The following STARD13 variants were observed in gnomAD, a reference collection of about 807,000 sequenced individuals.
The protein encoded by STARD13 is stAR-related lipid transfer protein 13.
In STARD13, 62 loss-of-function variants were observed where a neutral mutation model predicts 106.4. That is an observed-to-expected ratio of 0.58 (90% CI 0.48 to 0.72). The LOEUF is 0.72. Ranked by LOEUF, STARD13 falls within the 30% of genes least tolerant of loss-of-function variation. The probability of loss-of-function intolerance (pLI) is 0.00; values close to 1 mark genes in which losing one functional copy is unlikely to be tolerated. For missense variants in STARD13, 1,387 were observed against 1,424.0 expected, an observed-to-expected ratio of 0.97 and a Z score of 0.42; for synonymous variants, 565 against 553.0, an observed-to-expected ratio of 1.02 and a Z score of -0.31.
Position 33,129,528 on chromosome 13 carries a change from A to G in STARD13, c.1149T>C (p.Arg383=), listed in dbSNP as rs762684578. 1.9e-5 allele frequency: 30 copies of G among 1,614,030 alleles called. No individual in the cohort carries two copies. Among genetic ancestry groups the G allele is most frequent in the Non-Finnish European group, 2.5e-5 (30 of 1,180,030 alleles). Residue 383 remains arginine, a synonymous_variant, in exon 5 of 14, where the codon CGT becomes CGC. Transcript: ENST00000336934. The stretch of plus-strand genomic sequence containing the variant: ...TCTCTTGGGAGTGAAATTCATGCAT[A>G]CGGCTTTGGTCCCCTGCATCCGGCA... ...TALPDAGDQS[R]MHEFHSQENL...
chr13:33,167,763 C>T, intron 1 of STARD13, 141 bp from the exon 2 acceptor site: 3 of 764,966 alleles, frequency 3.9e-6, no homozygotes, highest in East Asian at 2.7e-5. Context: ...CATAAGTAGG[C>T]TTACCCGGGA....
At chr13:33,417,479 A>G in the STARD13 span, among the ~76,000 whole-genome samples, 1 of 152,244 alleles carries the variant, frequency 6.6e-6, no homozygotes, top group Admixed American at 6.5e-5. Context: ...GAATGTTCAT[A>G]GCGGCATTAT....
chr13:33,280,468 T>C (rs185945091), intron 1 of STARD13: 15 of 152,092 alleles, frequency 9.9e-5, no homozygotes, highest in African/African-American at 3.1e-4. Context: ...AAGAAAGAGG[T>C]TGTATTGTGA....
At chr13:33,464,771 C>T in the STARD13 span, among the ~76,000 whole-genome samples, 4 of 152,254 alleles carry the variant, frequency 2.6e-5, no homozygotes, top group African/African-American at 9.6e-5. Flanking sequence ...ATCACTTGAA[C>T]TCGGAAGGCG....
At chr13:33,429,523 CAAA>C in the STARD13 span, among the ~76,000 whole-genome samples, 1 of 99,086 alleles carries the variant, frequency 1.0e-5, no homozygotes, top group Non-Finnish European at 2.2e-5. Context: ...GACTCCGTCT[CAAA>C]AAAAAAAAAA....
At chr13:33,597,682 C>CT in the STARD13 span, among the ~76,000 whole-genome samples, 1 of 147,234 alleles carries the variant, frequency 6.8e-6, no homozygotes, top group Non-Finnish European at 1.5e-5. Context: ...CCCATCTCTA[C>CT]TAAAAAAAAA....
At chr13:33,490,897 G>T in the STARD13 span, among the ~76,000 whole-genome samples, 3 of 152,206 alleles carry the variant, frequency 2.0e-5, no homozygotes, top group Non-Finnish European at 4.4e-5. Context: ...ACATTACCAT[G>T]GGGCCAGAGC....
rs1324828334 is a variant in STARD13 at position 33,129,850 on chromosome 13, T to C, written c.827A>G (p.Lys276Arg). The C allele has an allele frequency of 5.0e-6, 8 of 1,612,914 alleles. No homozygotes were observed. Among genetic ancestry groups the C allele is most frequent in the Non-Finnish European group, 6.8e-6 (8 of 1,180,032 alleles). ...CAGGCCACCTGTCCGCCCAGACCCC[T>C]TATGCCTCCCGTGGGCTCCCTTCCC... ...LRGKGAHGRHKGSGRTGGLVI... is the reference protein window; with the variant it reads ...LRGKGAHGRHRGSGRTGGLVI... The change falls in exon 5 of 14, where the codon AAG becomes AGG. Residue 276 changes from lysine (K) to arginine (R), a missense_variant. Lys to Arg is a conservative substitution (Grantham distance 26). Transcript: ENST00000336934.
upstream of STARD13, among the ~76,000 whole-genome samples, chr13:33,353,267 A>G (rs1007432889): frequency 3.3e-5 from 5 of 152,198 alleles, no homozygotes; most frequent in African/African-American, 1.2e-4. Flanking sequence ...CAACACTGCA[A>G]TCTGGGCTTC....
the STARD13 span, among the ~76,000 whole-genome samples, chr13:33,461,109 A>G: frequency 2.6e-5 from 4 of 152,184 alleles, no homozygotes; most frequent in Non-Finnish European, 5.9e-5. Context: ...AGAGATCACC[A>G]AGGGGTGTGA....
chr13:33,238,353 C>G (rs971614174), intron 1 of STARD13, among the ~76,000 whole-genome samples: 2 of 152,032 alleles, frequency 1.3e-5, no homozygotes, highest in Admixed American at 1.3e-4. Flanking sequence ...GGACTAAGAA[C>G]GGCTGCCCAA....
At chr13:33,382,024 A>G in the STARD13 span, among the ~76,000 whole-genome samples, 3 of 152,200 alleles carry the variant, frequency 2.0e-5, no homozygotes, top group African/African-American at 7.2e-5. Context: ...CATGAACTCC[A>G]TAAGCTGAAG....
chr13:33,456,297 C>G, the STARD13 span, among the ~76,000 whole-genome samples: 1 of 152,184 alleles, frequency 6.6e-6, no homozygotes, highest in Non-Finnish European at 1.5e-5. Flanking sequence ...TCAAGCAATT[C>G]TCCTGCCTCA....
At chr13:33,662,253 C>A in the STARD13 span, among the ~76,000 whole-genome samples, 1 of 145,262 alleles carries the variant, frequency 6.9e-6, no homozygotes, top group Non-Finnish European at 1.5e-5. Flanking sequence ...CAGAGCAAGA[C>A]CCCGTCTCAA....
intron 1 of STARD13, among the ~76,000 whole-genome samples, chr13:33,316,643 T>G (rs180778137): frequency 3.3e-5 from 5 of 152,350 alleles, no homozygotes; most frequent in African/African-American, 1.2e-4. Context: ...AACTCAAAGC[T>G]TGTGCTCTTT....
chr13:33,451,162 G>A, the STARD13 span, among the ~76,000 whole-genome samples: 3 of 152,170 alleles, frequency 2.0e-5, no homozygotes, highest in South Asian at 4.1e-4. Context: ...TTATAGGTAT[G>A]AGCCCCCATG....
intron 1 of STARD13, among the ~76,000 whole-genome samples, chr13:33,327,751 C>G (rs1383580026): frequency 6.6e-6 from 1 of 152,120 alleles, no homozygotes; most frequent in East Asian, 1.9e-4. Context: ...TGAAATTTGT[C>G]CTTTCAAATA....
At chr13:33,478,430 C>A in the STARD13 span, among the ~76,000 whole-genome samples, 108 of 152,218 alleles carry the variant, frequency 7.1e-4, no homozygotes, top group African/African-American at 2.5e-3. Context: ...AATATTTTTT[C>A]ACATTATATA....
chr13:33,173,928 C>T (rs1047165203), intron 1 of STARD13, among the ~76,000 whole-genome samples: 3 of 152,198 alleles, frequency 2.0e-5, no homozygotes, highest in Non-Finnish European at 4.4e-5. Context: ...ATGTGGACTT[C>T]TTTCCCAAAC....
Sources: gnomAD v4.1 joint callset for allele counts (sites outside exome capture counted in the v4.1 genomes callset) on GRCh38, gnomAD v4.1.1 for gene constraint, MANE v1.5 for transcripts, NCBI Gene and HGNC (gene_info 2026-07-23, HGNC 2026-07-21) for gene names.